CLEC16A: variants seen among roughly 807,000 people sequenced by gnomAD.
CLEC16A encodes the protein protein CLEC16A.
CLEC16A carries 51 observed loss-of-function variants against 109.5 expected under a neutral mutation model. The ratio of observed to expected loss-of-function variants is 0.47; its 90% CI spans 0.37 to 0.59. CLEC16A has a LOEUF of 0.59. Among genes scored for constraint, CLEC16A ranks in the 20% least tolerant of loss-of-function variants. The pLI, the probability that CLEC16A is intolerant of heterozygous loss-of-function variation, is 0.00. For missense variants in CLEC16A, 1,339 were observed against 1,394.0 expected (o/e 0.96, Z 0.63); for synonymous variants, 673 against 564.2 (o/e 1.19, Z -2.73).
At chr16:10,992,111 C>T (rs7403919) in intron 10 of CLEC16A, among the ~76,000 whole-genome samples, 91,727 of 152,026 alleles carry the variant, frequency 0.6, 28,182 homozygotes, top group East Asian at 0.78. Context: ...CCTCCAGATA[C>T]GCACGGGGAC....
rs2068972827 is a variant in CLEC16A at position 11,182,063 on chromosome 16, G to A, written c.*3373G>A. The A allele has an allele frequency of 6.6e-6, 1 of 152,420 alleles. No individual in the cohort carries two copies. The highest frequency in any genetic ancestry group is 2.1e-4 in the South Asian group (1 of 4,832). The allele number at this position is 152,420 out of a possible 1,614,324, so 9.4% of individuals were successfully genotyped here. On this transcript the variant is annotated 3_prime_UTR_variant, in exon 24 of 24. Coordinates refer to ENST00000409790, the MANE Select transcript of CLEC16A (RefSeq NM_015226.3). ...GCCTCTGAGCCTCGGGACCGCTCTA[G>A]GGAAGTACCTGCTTTCGCCAGCATG...
intron 19 of CLEC16A, among the ~76,000 whole-genome samples, chr16:11,096,646 G>A (rs1397490795): frequency 1.3e-5 from 2 of 152,140 alleles, no homozygotes; most frequent in Non-Finnish European, 2.9e-5. Context: ...CCCTGTGCAC[G>A]CTGTTCGATA....
intron 22 of CLEC16A, among the ~76,000 whole-genome samples, chr16:11,139,060 G>A (rs2053702244): frequency 6.6e-6 from 1 of 150,628 alleles, no homozygotes; most frequent in African/African-American, 2.4e-5. Flanking sequence ...CTCCCCGAAT[G>A]TTCTCTGTGC....
intron 19 of CLEC16A, 90 bp downstream of exon 19, chr16:11,061,112 C>G: frequency 7.3e-7 from 1 of 1,372,298 alleles, no homozygotes. Flanking sequence ...CTGGGAGGGT[C>G]AGTGTGCAAC....
chr16:10,990,330 A>G (rs2043928178), intron 10 of CLEC16A, among the ~76,000 whole-genome samples: 1 of 152,236 alleles, frequency 6.6e-6, no homozygotes, highest in Admixed American at 6.5e-5. Context: ...TATAATCAAA[A>G]TCCAGAGTGC....
intron 19 of CLEC16A, among the ~76,000 whole-genome samples, chr16:11,075,432 G>GTA (rs1567282687): frequency 1.0e-4 from 15 of 149,978 alleles, no homozygotes; most frequent in African/African-American, 3.7e-4. Context: ...GTGTGTATGT[G>GTA]TGTGTGTGTG....
At chr16:10,959,710 A>G (rs530738140) in intron 2 of CLEC16A, among the ~76,000 whole-genome samples, 2 of 151,656 alleles carry the variant, frequency 1.3e-5, no homozygotes, top group South Asian at 4.2e-4. Flanking sequence ...TTTTTTTTAA[A>G]TATCTTTTTG....
Position 10,944,596 on chromosome 16 carries a change from C to T in CLEC16A, c.-122C>T. 2.1e-6 allele frequency: 2 copies of T among 944,052 alleles called. No homozygotes were observed. Among genetic ancestry groups the T allele is most frequent in the Non-Finnish European group, 3.2e-6 (2 of 631,992 alleles). The allele number at this position is 944,052 out of a possible 1,614,324, so 58.5% of individuals were successfully genotyped here. ...GGCTGTGGGCCGGGGAGGAAGGCGGCTCGCGGTTCCTCCACCGCCTCCGCC... is the reference window on the plus strand; with the variant it reads ...GGCTGTGGGCCGGGGAGGAAGGCGGTTCGCGGTTCCTCCACCGCCTCCGCC... On this transcript the variant is annotated 5_prime_UTR_variant, in exon 1 of 24. Coordinates refer to ENST00000409790, the MANE Select transcript of CLEC16A (RefSeq NM_015226.3).
chr16:11,075,073 C>A (rs765567497), intron 19 of CLEC16A, among the ~76,000 whole-genome samples: 1 of 152,130 alleles, frequency 6.6e-6, no homozygotes, highest in African/African-American at 2.4e-5. Context: ...CCTGGGCAAT[C>A]GAGCAAGACC....
chr16:11,129,715 G>T (rs1268168871), intron 22 of CLEC16A, among the ~76,000 whole-genome samples: 1 of 151,094 alleles, frequency 6.6e-6, no homozygotes, highest in Non-Finnish European at 1.5e-5. Flanking sequence ...TTTCAGATCA[G>T]CTCCTGGCTA....
chr16:11,039,099 C>T (rs921529113), intron 13 of CLEC16A, among the ~76,000 whole-genome samples: 1 of 152,094 alleles, frequency 6.6e-6, no homozygotes, highest in Non-Finnish European at 1.5e-5. Context: ...CCTCAGGTGG[C>T]CCTCAGACCT....
chr16:11,176,240 C>G (rs1258984354), intron 23 of CLEC16A, among the ~76,000 whole-genome samples: 1 of 152,244 alleles, frequency 6.6e-6, no homozygotes, highest in African/African-American at 2.4e-5. Context: ...TGGAGCAAAT[C>G]AGTTGAAATT....
intron 19 of CLEC16A, among the ~76,000 whole-genome samples, chr16:11,103,791 G>A (rs181421092): frequency 6.6e-6 from 1 of 152,202 alleles, no homozygotes; most frequent in African/African-American, 2.4e-5. Context: ...TCTTTGCCAA[G>A]CAGAGTCCAG....
chr16:11,024,876 G>GCCCTGTTCGTGCTCTGCC lies in CLEC16A; in HGVS notation c.1493_1510dup (p.Cys503_Leu504insProLeuPheValLeuCys). 6.2e-7 allele frequency: 1 copy of GCCCTGTTCGTGCTCTGCC among 1,610,216 alleles called. No homozygotes were observed. Among genetic ancestry groups the GCCCTGTTCGTGCTCTGCC allele is most frequent in the Non-Finnish European group, 8.5e-7 (1 of 1,178,312 alleles). ...GGACAGCCCGGATGATGATTACCAT[G>GCCCTGTTCGTGCTCTGCC]CCCTGTTCGTGCTCTGCCTCCTCTA... On this transcript the variant is annotated inframe_insertion, in exon 13 of 24. Transcript: ENST00000409790.
At chr16:11,085,319 A>G (rs1049687307) in intron 19 of CLEC16A, among the ~76,000 whole-genome samples, 1 of 152,268 alleles carries the variant, frequency 6.6e-6, no homozygotes, top group Admixed American at 6.5e-5. Flanking sequence ...TGTGGCTTAT[A>G]AGAAACAGAT....
chr16:11,037,683 A>C (rs920442548), intron 13 of CLEC16A, among the ~76,000 whole-genome samples: 3 of 152,194 alleles, frequency 2.0e-5, no homozygotes, highest in Non-Finnish European at 1.5e-5. Context: ...GCGAGCAGCC[A>C]GGCCCTTTCT....
intron 2 of CLEC16A, among the ~76,000 whole-genome samples, chr16:10,958,638 T>C (rs915926048): frequency 1.3e-5 from 2 of 152,192 alleles, no homozygotes; most frequent in Non-Finnish European, 2.9e-5. Flanking sequence ...GCGCGGTGGC[T>C]CACACCTGTA....
chr16:10,945,675 G>A (rs2041321315), intron 1 of CLEC16A, among the ~76,000 whole-genome samples: 2 of 152,152 alleles, frequency 1.3e-5, no homozygotes, highest in African/African-American at 4.8e-5. Flanking sequence ...GAAATGGAAG[G>A]TGACTGACCC....
intron 13 of CLEC16A, 76 bp from the exon 14 acceptor site, chr16:11,039,678 A>T: frequency 6.9e-7 from 1 of 1,447,798 alleles, no homozygotes; most frequent in South Asian, 1.5e-5. Flanking sequence ...AGGAAACCCC[A>T]CTCTACAGGA....
Sources: gnomAD v4.1 joint callset for allele counts (sites outside exome capture counted in the v4.1 genomes callset) on GRCh38, gnomAD v4.1.1 for gene constraint, MANE v1.5 for transcripts, NCBI Gene and HGNC (gene_info 2026-07-23, HGNC 2026-07-21) for gene names.